The following ADAMTS10 variants were observed in gnomAD, a reference collection of about 807,000 sequenced individuals.
ADAMTS10 encodes A disintegrin and metalloproteinase with thrombospondin motifs 10.
A neutral mutation model predicts 135.9 loss-of-function variants in ADAMTS10; 48 were observed. The observed-to-expected ratio is 0.35, with a 90% CI of 0.28 to 0.45. ADAMTS10 has a LOEUF of 0.45. Ranked by LOEUF, ADAMTS10 falls within the 20% of genes least tolerant of loss-of-function variation. The pLI is 1.00. For missense variants in ADAMTS10, 1,131 were observed against 1,565.2 expected (o/e 0.72, Z 4.68); for synonymous variants, 621 against 647.5 (o/e 0.96, Z 0.62).
Position 8,591,787 on chromosome 19 carries a change from T to C in ADAMTS10, c.1797+13A>G. The stretch of plus-strand genomic sequence containing the variant: ...TCCTCCCCCCACCCCTCAAGGGGTT[T>C]GGGGGAACTCACATCCGTGTTGCAG... On this transcript the variant is annotated intron_variant, in intron 15 of 25. Transcript: ENST00000597188. 1 of 1,613,576 alleles carries C rather than the reference T, an allele frequency of 6.2e-7. No homozygotes were observed. The highest frequency in any genetic ancestry group is 8.5e-7 in the Non-Finnish European group (1 of 1,179,928).
In ADAMTS10 at chr19:8,605,095, C is replaced by A. The variant is rs782661103; in HGVS notation, c.352G>T (p.Ala118Ser). 3.1e-6 allele frequency: 5 copies of A among 1,612,718 alleles called. No homozygotes were observed. Among genetic ancestry groups the A allele is most frequent in the Non-Finnish European group, 4.2e-6 (5 of 1,179,642 alleles). The change falls in exon 4 of 26, where the codon GCC becomes TCC. Residue 118 changes from alanine (A) to serine (S), a missense_variant. Ala to Ser is a moderately conservative substitution (Grantham distance 99). Around this residue, in one of 3 missense-constraint regions of ADAMTS10, gnomAD observed 306 missense variants for 344.4 expected, o/e 0.89. Transcript: ENST00000597188. The surrounding 1 kb of genome is among the most constrained non-coding windows in gnomAD (Gnocchi z 7.7). ...CCAGCGTAGAGGCAGTGGGGCCGGG[C>A]CGCCCTCTGCCAGGCCAGGCCCTCC... The part of the protein sequence containing the change: ...TREGLAWQRA[A>S]RPHCLYAGHL...
At chr19:8,591,919 G>C (rs1555739028) in intron 14 of ADAMTS10, 39 bp downstream of exon 14, 1 of 1,611,108 alleles carries the variant, frequency 6.2e-7, no homozygotes, top group African/African-American at 1.3e-5. Context: ...GGGGGCAGGG[G>C]TCGCGCTGCC....
chr19:8,595,714 AGCGG>A, intron 12 of ADAMTS10, 44 bp downstream of exon 12: 1 of 618,512 alleles, frequency 1.6e-6, no homozygotes, highest in Non-Finnish European at 2.4e-6. Context: ...CCCCAGCCCC[AGCGG>A]CCCCCTCCCC....
At chr19:8,592,155 G>GGT (rs781827185) in intron 13 of ADAMTS10, 52 bp from the exon 14 acceptor site, 19 of 1,612,612 alleles carry the variant, frequency 1.2e-5, no homozygotes, top group Non-Finnish European at 1.4e-5. Flanking sequence ...GACACTCGTC[G>GGT]GCCCCATGCA....
chr19:8,590,951 T>C (rs900668323), intron 15 of ADAMTS10, among the ~76,000 whole-genome samples: 11 of 152,118 alleles, frequency 7.2e-5, no homozygotes, highest in Non-Finnish European at 1.3e-4. Context: ...TTATAGAAAG[T>C]GCTAGCATGT....
chr19:8,603,950 C>T, intron 4 of ADAMTS10, 66 bp from the exon 5 acceptor site: 1 of 1,487,740 alleles, frequency 6.7e-7, no homozygotes, highest in South Asian at 1.3e-5. Flanking sequence ...ACCCCTGGGA[C>T]CTTCTCTCTG....
intron 5 of ADAMTS10, among the ~76,000 whole-genome samples, chr19:8,603,433 C>G (rs2042687568): frequency 6.6e-6 from 1 of 152,130 alleles, no homozygotes; most frequent in Non-Finnish European, 1.5e-5. Context: ...CGCCACCACG[C>G]CCAGCTAATT....
chr19:8,580,861 C>T lies in ADAMTS10; in HGVS notation c.*32G>A, dbSNP rs893628867. The T allele has an allele frequency of 6.5e-7, 1 of 1,547,296 alleles. No individual in the cohort carries two copies. The highest frequency in any genetic ancestry group is 8.8e-7 in the Non-Finnish European group (1 of 1,138,366). ...GCTGCAGGGCTGGCGGCGGAGACCC[C>T]GCCAGCTGTGGCTCCGGGTGCCGCG... On this transcript the variant is annotated 3_prime_UTR_variant, in exon 26 of 26. Transcript: ENST00000597188.
At position 8,580,951 on chromosome 19, in the gene ADAMTS10, T is replaced by C. The variant is rs1305407261; in HGVS notation, c.3254A>G (p.Gln1085Arg). 11 of 1,613,350 alleles carry C rather than the reference T, an allele frequency of 6.8e-6. No individual in the cohort carries two copies. In the African/African-American group the frequency reaches 1.5e-4, roughly 22 times the overall value. ...VAYCPLVLKF[Q>R]FCSRAYFRQM... The stretch of plus-strand genomic sequence containing the variant: ...GCGGAAGTAGGCTCGGCTGCAGAAC[T>C]GAAATTTGAGCACCAGGGGGCAGTA... Residue 1085 changes from glutamine to arginine, a missense_variant, in exon 26 of 26, where the codon CAG becomes CGG. Coordinates refer to ENST00000597188, the MANE Select transcript of ADAMTS10 (RefSeq NM_030957.4).
At position 8,597,303 on chromosome 19, in the gene ADAMTS10, G is replaced by A; in HGVS notation, c.825C>T (p.Phe275=). The A allele has an allele frequency of 6.2e-7, 1 of 1,613,942 alleles. No individual in the cohort carries two copies. Among genetic ancestry groups the A allele is most frequent in the East Asian group, 2.2e-5 (1 of 44,870 alleles). The change falls in exon 7 of 26, where the codon TTC becomes TTT. Residue 275 remains phenylalanine, a synonymous_variant. Coordinates refer to ENST00000597188, the MANE Select transcript of ADAMTS10 (RefSeq NM_030957.4). ...CGGTGCTTCCCAGACTCGAGTCCTG[G>A]AAAAGTTTGGCAACCTGACCTCCAA... is the stretch of plus-strand genomic sequence containing the variant. The part of the protein sequence containing the change: ...LAIMNIVAKL[F]QDSSLGSTVN...
chr19:8,601,384 C>A lies in ADAMTS10; in HGVS notation c.593-239G>T, dbSNP rs1280466151. Among the ~76,000 whole-genome samples the A allele has an allele frequency of 7.0e-6, 1 of 142,782 alleles. No homozygotes were observed. The highest frequency in any genetic ancestry group is 1.5e-5 in the Non-Finnish European group (1 of 66,060). The allele number at this position is 142,782 out of a possible 152,430, so 93.7% of individuals were successfully genotyped here. A position where few individuals can be genotyped will look rare whatever the true frequency, so the allele number is the denominator to read the frequency against. On this transcript the variant is annotated intron_variant, in intron 5 of 25. Coordinates refer to ENST00000597188, the MANE Select transcript of ADAMTS10 (RefSeq NM_030957.4). The surrounding 1 kb of genome is among the most constrained non-coding windows in gnomAD (Gnocchi z 4.6). ...ATTCTTTTTTTTTTTTTTTTTGAGA[C>A]GGAGTATCATTCTGTCACCCAGGCT...
intron 12 of ADAMTS10, 175 bp downstream of exon 12, chr19:8,595,587 T>C: frequency 1.0e-6 from 1 of 975,770 alleles, no homozygotes; most frequent in South Asian, 1.4e-5. Flanking sequence ...GCTTAGGACA[T>C]TTTGCACACT....
At chr19:8,595,698 T>TGCCCC in intron 12 of ADAMTS10, 64 bp downstream of exon 12, 10 of 1,291,938 alleles carry the variant, frequency 7.7e-6, no homozygotes, top group Non-Finnish European at 9.7e-6. Context: ...CTGGTGGAGT[T>TGCCCC]CCCTCCCCCA....
At chr19:8,609,956 T>G (rs1225117835) in intron 1 of ADAMTS10, among the ~76,000 whole-genome samples, 1 of 150,926 alleles carries the variant, frequency 6.6e-6, no homozygotes, top group Non-Finnish European at 1.5e-5. Flanking sequence ...CTCCCAGACA[T>G]GTGTAAACAC....
At chr19:8,609,234 C>CTGTG (rs35269308) in intron 1 of ADAMTS10, among the ~76,000 whole-genome samples, 62,413 of 139,628 alleles carry the variant, frequency 0.45, 16,308 homozygotes, top group Non-Finnish European at 0.6. Flanking sequence ...GTGTGTGACC[C>CTGTG]TGTGTGTGTG....
intron 13 of ADAMTS10, chr19:8,592,342 G>A: frequency 1.3e-6 from 1 of 757,708 alleles, no homozygotes; most frequent in Non-Finnish European, 2.1e-6. Flanking sequence ...GGTGTAGACA[G>A]GACCACGATA....
Position 8,584,422 on chromosome 19 carries a change from G to C in ADAMTS10, c.3202+473C>G, listed in dbSNP as rs575643211. 3.3e-5 allele frequency among the ~76,000 whole-genome samples: 5 copies of C among 152,040 alleles called. 1 individual carries two copies. The South Asian group carries it at 1.0e-3, about 32-fold the overall frequency. ...AGCACTTTGGGAGGCTGAGGTGGGA[G>C]GATCGCTTGAGCCCAGGAGTTGGAG... On this transcript the variant is annotated intron_variant, in intron 25 of 25. Transcript: ENST00000597188.
In ADAMTS10 at chr19:8,608,695, A is replaced by G. The variant is rs74903612; in HGVS notation, c.-214-447T>C. ...AGGGGCTCTCTCTGGTCTTGTCTAG[A>G]GTGTCTTTGGGTCTGTCCTGGTCCC... On this transcript the variant is annotated intron_variant, in intron 1 of 25. Transcript: ENST00000597188. Among the ~76,000 whole-genome samples, 15 of 151,724 alleles carry G rather than the reference A, an allele frequency of 9.9e-5. No individual in the cohort carries two copies. In the East Asian group the frequency reaches 2.9e-3, roughly 30 times the overall value.
rs2042672037 is a variant in ADAMTS10 at position 8,601,733 on chromosome 19, G to A, written c.593-588C>T. ...TTTTTGTCAGTGTCCTACTACCTGA[G>A]AATATTGTAGTCTACCATGATGTCA... On this transcript the variant is annotated intron_variant, in intron 5 of 25. Transcript: ENST00000597188. The surrounding 1 kb of genome is among the most constrained non-coding windows in gnomAD (Gnocchi z 4.6). Among the ~76,000 whole-genome samples, 1 of 152,092 alleles carries A rather than the reference G, an allele frequency of 6.6e-6. No homozygotes were observed. The highest frequency in any genetic ancestry group is 1.5e-5 in the Non-Finnish European group (1 of 68,022).
Sources: allele counts gnomAD v4.1 joint callset (sites outside exome capture counted in the v4.1 genomes callset), GRCh38; gene constraint gnomAD v4.1.1; regional missense constraint gnomAD v4.1.1; non-coding constraint Gnocchi (gnomAD v3.1); transcripts MANE v1.5; gene names NCBI Gene and HGNC (gene_info 2026-07-23, HGNC 2026-07-21).